The following TNS3 variants were observed in gnomAD, a reference collection of about 807,000 sequenced individuals.
TNS3 encodes tensin-3.
Under a neutral mutation model 140.9 loss-of-function variants are expected in TNS3, and 45 were observed. The ratio of observed to expected loss-of-function variants is 0.32; its 90% CI spans 0.25 to 0.41. The LOEUF (loss-of-function observed/expected upper bound fraction) is 0.41. TNS3 is among the 10% of genes least tolerant of loss of function. TNS3 has a pLI of 1.00. For missense variants in TNS3, 1,716 were observed against 1,906.7 expected (o/e 0.90, Z 1.86); for synonymous variants, 815 against 788.4 (o/e 1.03, Z -0.56).
chr7:47,369,537 C>A lies in TNS3; in HGVS notation c.1109G>T (p.Gly370Val). The A allele has an allele frequency of 1.9e-6, 3 of 1,613,402 alleles. No homozygotes were observed. The highest frequency in any genetic ancestry group is 2.5e-6 in the Non-Finnish European group (3 of 1,179,698). ...KSSSDPGIPG[G>V]PQAIPATNSP... is the part of the protein sequence containing the mutation. Reference sequence around the variant, plus strand: ...GTTGGTGGCCGGGATTGCCTGGGGGCCACCTGGGATGCCAGGATCCGAGGA... The same window carrying A: ...GTTGGTGGCCGGGATTGCCTGGGGGACACCTGGGATGCCAGGATCCGAGGA... Residue 370 changes from glycine (G) to valine (V), a missense_variant, in exon 17 of 31, where the codon GGC (glycine) becomes GTC (valine). Coordinates refer to ENST00000311160, the MANE Select transcript of TNS3 (RefSeq NM_022748.12).
intron 21 of TNS3, among the ~76,000 whole-genome samples, chr7:47,304,025 C>T (rs1471567295): frequency 6.6e-6 from 1 of 152,196 alleles, no homozygotes; most frequent in Admixed American, 6.5e-5. Flanking sequence ...GAAATGCCCT[C>T]CCGTCTTGTC....
At chr7:47,496,472 C>A (rs763039368) in intron 3 of TNS3, among the ~76,000 whole-genome samples, 5 of 152,192 alleles carry the variant, frequency 3.3e-5, no homozygotes, top group Non-Finnish European at 5.9e-5. Flanking sequence ...TGGAAGCAGG[C>A]GGGGGGAGGT....
intron 20 of TNS3, among the ~76,000 whole-genome samples, chr7:47,336,295 TA>T (rs1344751218): frequency 6.6e-6 from 1 of 151,850 alleles, no homozygotes; most frequent in Admixed American, 6.6e-5. Context: ...TCCTGTGGTG[TA>T]AACAATCCCG....
At chr7:47,414,180 A>C (rs1793946100) in intron 11 of TNS3, among the ~76,000 whole-genome samples, 183 bp from the exon 12 acceptor site, 1 of 152,144 alleles carries the variant, frequency 6.6e-6, no homozygotes, top group African/African-American at 2.4e-5. Flanking sequence ...CCGGTCCTAG[A>C]AGCCTGCAGA....
At chr7:47,389,005 A>G (rs867980211) in intron 16 of TNS3, among the ~76,000 whole-genome samples, 12 of 2,686 alleles carry the variant, frequency 4.5e-3, no homozygotes, top group African/African-American at 5.9e-3. Flanking sequence ...AGAAGAAGGA[A>G]GAAGAAGAAG....
At chr7:47,548,836 C>T (rs537789148) in intron 1 of TNS3, among the ~76,000 whole-genome samples, 4 of 152,228 alleles carry the variant, frequency 2.6e-5, no homozygotes, top group South Asian at 4.2e-4. Flanking sequence ...CCCGAAGCAC[C>T]GCTCACTTCA....
chr7:47,546,971 C>T (rs1388804756), intron 1 of TNS3, among the ~76,000 whole-genome samples: 1 of 152,218 alleles, frequency 6.6e-6, no homozygotes, highest in African/African-American at 2.4e-5. Flanking sequence ...TCAGTCACGC[C>T]CTGGGCTGGG....
chr7:47,524,035 C>A (rs1411270461), intron 2 of TNS3, among the ~76,000 whole-genome samples: 5 of 152,246 alleles, frequency 3.3e-5, no homozygotes, highest in Non-Finnish European at 7.3e-5. Context: ...CACCACACCA[C>A]CCCCAGGATT....
intron 20 of TNS3, among the ~76,000 whole-genome samples, chr7:47,328,368 T>TCC (rs1178209413): frequency 1.3e-5 from 2 of 152,090 alleles, no homozygotes; most frequent in Admixed American, 6.5e-5. Context: ...TTTCACTTTT[T>TCC]CCTCCCCCAA....
At chr7:47,539,005 A>G (rs1799704381) in intron 1 of TNS3, 1 of 456,422 alleles carries the variant, frequency 2.2e-6, no homozygotes, top group Admixed American at 2.3e-5. Context: ...TAAGAACAGG[A>G]TATGCTGCTG....
At chr7:47,404,611 G>C (rs1407027448) in intron 13 of TNS3, among the ~76,000 whole-genome samples, 1 of 152,176 alleles carries the variant, frequency 6.6e-6, no homozygotes, top group African/African-American at 2.4e-5. Context: ...GCCCGGCCGG[G>C]CGCGGTGGCT....
In TNS3 at chr7:47,278,218, A is replaced by C; in HGVS notation, c.4196T>G (p.Val1399Gly). 1 of 1,613,354 alleles carries C rather than the reference A, an allele frequency of 6.2e-7. No individual in the cohort carries two copies. The highest frequency in any genetic ancestry group is 1.1e-5 in the South Asian group (1 of 90,890). ...CTGCTTCCGGGCCACAAATCCAAAG[A>C]CTCTGCCAAAGGAAAGTCCAGTCAG... ...KWIKDGPSSK[V>G]FGFVARKQGS... Residue 1399 changes from valine to glycine, a missense_variant and splice_region_variant, in exon 31 of 31, where the codon GTC becomes GGC. Physicochemically the swap from Val to Gly is moderately radical, Grantham distance 109. Around this residue, in one of 3 missense-constraint regions of TNS3, gnomAD observed 216 missense variants for 295.7 expected, o/e 0.73. Coordinates refer to ENST00000311160, the MANE Select transcript of TNS3 (RefSeq NM_022748.12).
At position 47,567,231 on chromosome 7, in the gene TNS3, T is replaced by C. The variant is rs76420742; in HGVS notation, c.-265+14820A>G. Among the ~76,000 whole-genome samples, 970 of 152,280 alleles carry C rather than the reference T, an allele frequency of 6.4e-3. 12 individuals are homozygous for C. The highest frequency in any genetic ancestry group is 0.023 in the African/African-American group (941 of 41,542). On this transcript the variant is annotated intron_variant, in intron 1 of 30. Coordinates refer to ENST00000311160, the MANE Select transcript of TNS3 (RefSeq NM_022748.12). ...AAATAACATTGTCCCTATTTTCAGA[T>C]GTCATGATTATCTACATGGGAAATG...
At chr7:47,399,783 A>G (rs1793051299) in intron 15 of TNS3, among the ~76,000 whole-genome samples, 1 of 152,264 alleles carries the variant, frequency 6.6e-6, no homozygotes, top group Admixed American at 6.5e-5. Flanking sequence ...ATCCATGACT[A>G]AGACCCCAAA....
intron 3 of TNS3, among the ~76,000 whole-genome samples, chr7:47,501,639 C>T (rs1444944940): frequency 6.6e-6 from 1 of 152,104 alleles, no homozygotes; most frequent in Admixed American, 6.5e-5. Flanking sequence ...GCTCCCACAG[C>T]CTCCCTCCTT....
chr7:47,478,850 A>G (rs911002516), intron 4 of TNS3, among the ~76,000 whole-genome samples: 5 of 152,040 alleles, frequency 3.3e-5, no homozygotes, highest in Admixed American at 6.5e-5. Context: ...AATTACATGC[A>G]TAACATGCAT....
intron 22 of TNS3, among the ~76,000 whole-genome samples, chr7:47,302,560 C>T (rs1786468227): frequency 1.3e-5 from 2 of 152,156 alleles, no homozygotes; most frequent in South Asian, 4.2e-4. Context: ...GTTGTTCAAC[C>T]CATAGACCAC....
chr7:47,478,656 A>G (rs1797288175), intron 4 of TNS3, among the ~76,000 whole-genome samples: 1 of 152,162 alleles, frequency 6.6e-6, no homozygotes, highest in Admixed American at 6.5e-5. Context: ...ACAATTACAT[A>G]ACATATATAC....
chr7:47,431,303 C>T (rs998966225), intron 8 of TNS3, among the ~76,000 whole-genome samples: 2 of 151,988 alleles, frequency 1.3e-5, no homozygotes, highest in Non-Finnish European at 1.5e-5. Flanking sequence ...AATAAAAAAA[C>T]CTAATGTCAG....
Sources: gnomAD v4.1 joint callset for allele counts (sites outside exome capture counted in the v4.1 genomes callset) on GRCh38, gnomAD v4.1.1 for gene constraint, gnomAD v4.1.1 regional missense constraint, MANE v1.5 for transcripts, NCBI Gene and HGNC (gene_info 2026-07-23, HGNC 2026-07-21) for gene names.